C1orf87: variants seen among roughly 807,000 people sequenced by gnomAD.
C1orf87 encodes the protein uncharacterized protein C1orf87.
In C1orf87, 58 loss-of-function variants were observed where a neutral mutation model predicts 60.5. The ratio of observed to expected loss-of-function variants is 0.96; its 90% confidence interval spans 0.78 to 1.19. C1orf87 has a LOEUF of 1.19. Among genes scored for constraint, C1orf87 ranks in the 50% most tolerant of loss-of-function variants. The pLI, the probability that C1orf87 is intolerant of heterozygous loss-of-function variation, is 0.00. For missense variants in C1orf87, 673 were observed against 638.6 expected (o/e 1.05, Z -0.58); for synonymous variants, 236 against 227.4 (o/e 1.04, Z -0.34).
Position 60,000,816 on chromosome 1 carries a change from T to C in C1orf87, c.1272+261A>G, listed in dbSNP as rs543753231. On this transcript the variant is annotated intron_variant, in intron 10 of 11. Transcript: ENST00000371201. ...CCCAGACGTATGCTACAAGTCCAATTTCTTGGGGCAGGTGGCAAGCCCATC... is the reference window on the plus strand; with the variant it reads ...CCCAGACGTATGCTACAAGTCCAATCTCTTGGGGCAGGTGGCAAGCCCATC... Among the ~76,000 whole-genome samples the C allele has an allele frequency of 1.3e-5, 2 of 152,036 alleles. 1 individual carries two copies. The highest frequency in any genetic ancestry group is 4.2e-4 in the South Asian group (2 of 4,808).
chr1:60,013,291 A>G (rs1213760215), intron 8 of C1orf87, among the ~76,000 whole-genome samples: 1 of 151,960 alleles, frequency 6.6e-6, no homozygotes, highest in Non-Finnish European at 1.5e-5. Context: ...TGATTCTTTC[A>G]TATCTACTAT....
At chr1:59,994,003 C>G (rs1644945766) in intron 11 of C1orf87, among the ~76,000 whole-genome samples, 1 of 152,154 alleles carries the variant, frequency 6.6e-6, no homozygotes, top group Non-Finnish European at 1.5e-5. Context: ...AGGTGATCCA[C>G]CTGCCTTGGC....
At chr1:60,066,833 A>G (rs1391820701) in intron 2 of C1orf87, among the ~76,000 whole-genome samples, 3 of 149,972 alleles carry the variant, frequency 2.0e-5, no homozygotes, top group African/African-American at 7.4e-5. Context: ...CCTTCCCCCA[A>G]CCCCCCACTG....
chr1:60,024,986 C>T (rs546450738), intron 8 of C1orf87, among the ~76,000 whole-genome samples: 12 of 152,298 alleles, frequency 7.9e-5, no homozygotes, highest in African/African-American at 2.6e-4. Context: ...GATTGCTTCA[C>T]ACATAGAACT....
intron 9 of C1orf87, among the ~76,000 whole-genome samples, chr1:60,009,810 A>G (rs1645070362): frequency 1.3e-5 from 2 of 152,036 alleles, no homozygotes; most frequent in Non-Finnish European, 2.9e-5. Flanking sequence ...TCCCCAATGC[A>G]TCGTTACAAT....
rs761355046 is a variant in C1orf87 at position 60,025,532 on chromosome 1, G to A, written c.1030-34C>T. On this transcript the variant is annotated intron_variant, in intron 7 of 11. Coordinates refer to ENST00000371201, the MANE Select transcript of C1orf87 (RefSeq NM_152377.3). ...TAAAAAAAAATAAAAAAGATTTGAT[G>A]TTTCACTAGGATACAAAATGTTTCA... 7.6e-6 allele frequency: 11 copies of A among 1,453,094 alleles called. No homozygotes were observed. In the South Asian group the frequency reaches 1.0e-4, roughly 13 times the overall value. 90.0% of individuals were successfully genotyped at this position (1,453,094 alleles called of 1,614,324 possible).
At chr1:60,025,578 G>GT (rs1645193541) in intron 7 of C1orf87, 80 bp from the exon 8 acceptor site, 16 of 1,097,984 alleles carry the variant, frequency 1.5e-5, no homozygotes, top group Middle Eastern at 2.7e-4. Context: ...ATTAATATTT[G>GT]TTTTTTCTCA....
intron 7 of C1orf87, among the ~76,000 whole-genome samples, chr1:60,026,111 C>G (rs1049348256): frequency 6.6e-6 from 1 of 152,104 alleles, no homozygotes; most frequent in Non-Finnish European, 1.5e-5. Flanking sequence ...CTAGTACAAA[C>G]CAGTTCAGTT....
intron 9 of C1orf87, among the ~76,000 whole-genome samples, chr1:60,005,248 T>C (rs1645035551): frequency 6.6e-6 from 1 of 152,056 alleles, no homozygotes; most frequent in Admixed American, 6.6e-5. Context: ...TGTTTTAGTT[T>C]CCTTTTTAAG....
At chr1:59,996,294 C>T (rs1432934542) in intron 11 of C1orf87, among the ~76,000 whole-genome samples, 4 of 152,142 alleles carry the variant, frequency 2.6e-5, no homozygotes, top group African/African-American at 9.7e-5. Flanking sequence ...CATTTTGGGA[C>T]CATGTGCTTT....
intron 6 of C1orf87, among the ~76,000 whole-genome samples, chr1:60,036,856 T>C (rs1027228372): frequency 1.3e-5 from 2 of 152,230 alleles, no homozygotes; most frequent in African/African-American, 4.8e-5. Context: ...TATGGATGCC[T>C]GAATCTCAAA....
intron 2 of C1orf87, among the ~76,000 whole-genome samples, chr1:60,064,627 T>A (rs1220461431): frequency 8.4e-5 from 3 of 35,572 alleles, no homozygotes; most frequent in African/African-American, 2.4e-4. Context: ...ATATCATATA[T>A]ATAAATATAT....
At chr1:60,010,100 G>A (rs911767915) in intron 9 of C1orf87, among the ~76,000 whole-genome samples, 6 of 151,240 alleles carry the variant, frequency 4.0e-5, no homozygotes, top group African/African-American at 1.5e-4. Context: ...CTGAAATTCT[G>A]CTAAATAATA....
At chr1:60,017,679 T>A (rs149102973) in intron 8 of C1orf87, among the ~76,000 whole-genome samples, 70 of 152,298 alleles carry the variant, frequency 4.6e-4, no homozygotes, top group African/African-American at 1.5e-3. Context: ...GATTTACATG[T>A]TCCTGGCCAA....
At chr1:60,000,342 C>A (rs1224569753) in intron 10 of C1orf87, among the ~76,000 whole-genome samples, 1 of 152,064 alleles carries the variant, frequency 6.6e-6, no homozygotes, top group East Asian at 1.9e-4. Flanking sequence ...TTTTTATAAT[C>A]TTATTCACAA....
At chr1:60,036,592 C>T (rs1364269787) in intron 6 of C1orf87, among the ~76,000 whole-genome samples, 2 of 152,014 alleles carry the variant, frequency 1.3e-5, no homozygotes, top group East Asian at 1.9e-4. Flanking sequence ...TGTATCATGC[C>T]CATTTTACAG....
chr1:60,069,577 T>A (rs571880791), intron 2 of C1orf87, among the ~76,000 whole-genome samples: 24 of 152,304 alleles, frequency 1.6e-4, no homozygotes, highest in African/African-American at 5.8e-4. Flanking sequence ...GTATACTAAA[T>A]ATAAGTATTT....
chr1:59,996,100 G>A (rs1644961965), intron 11 of C1orf87, among the ~76,000 whole-genome samples: 1 of 151,840 alleles, frequency 6.6e-6, no homozygotes, highest in Admixed American at 6.6e-5. Flanking sequence ...AAGAGTCCCT[G>A]GATTTTGTAT....
rs1308715941 is a variant in C1orf87, at chr1:60,040,110, A to AGTT, written c.551_553dup (p.Glu184_Leu185insGln). On this transcript the variant is annotated inframe_insertion, in exon 5 of 12. Transcript: ENST00000371201. ...GTTGGAACTCAAAGGACGTGACTTGAGTTCTCTTCTGACCAGGGCAAGAAG... is the reference window on the plus strand; with the variant it reads ...GTTGGAACTCAAAGGACGTGACTTGAGTTGTTCTCTTCTGACCAGGGCAAGAAG... 3 of 1,614,232 alleles carry AGTT rather than the reference A, an allele frequency of 1.9e-6. No individual in the cohort carries two copies. In the South Asian group the frequency reaches 3.3e-5, roughly 18 times the overall value.
Sources: allele counts gnomAD v4.1 joint callset (sites outside exome capture counted in the v4.1 genomes callset), GRCh38; gene constraint gnomAD v4.1.1; transcripts MANE v1.5; gene names NCBI Gene and HGNC (gene_info 2026-07-23, HGNC 2026-07-21).